SDK1: variants seen among roughly 807,000 people sequenced by gnomAD.
SDK1 encodes the protein protein sidekick-1.
A neutral mutation model predicts 245.5 loss-of-function variants in SDK1; 157 were observed. The observed-to-expected ratio is 0.64, with a 90% confidence interval of 0.56 to 0.73. SDK1 has a LOEUF of 0.73. SDK1 is among the 30% of genes least tolerant of loss of function. The pLI is 0.00. For missense variants in SDK1, 3,583 were observed against 3,002.3 expected (o/e 1.19, Z -4.52); for synonymous variants, 1,647 against 1,278.5 (o/e 1.29, Z -6.15).
intron 20 of SDK1, among the ~76,000 whole-genome samples, chr7:4,075,756 G>C (rs1263222435): frequency 6.6e-6 from 1 of 151,864 alleles, no homozygotes; most frequent in African/African-American, 2.4e-5. Context: ...CCAGGTTCGA[G>C]TGATTCTCGT....
intron 4 of SDK1, among the ~76,000 whole-genome samples, chr7:3,699,183 A>G (rs757347722): frequency 1.4e-4 from 21 of 152,316 alleles, no homozygotes; most frequent in Middle Eastern, 6.8e-3. Flanking sequence ...ACACAATCTC[A>G]TAACATGATA....
At chr7:3,893,225 C>T (rs534036368) in intron 5 of SDK1, among the ~76,000 whole-genome samples, 4 of 152,224 alleles carry the variant, frequency 2.6e-5, no homozygotes, top group Admixed American at 6.5e-5. Context: ...CAGTGAACTC[C>T]GGCCCCGGTT....
At chr7:4,109,960 A>C (rs1354981359) in intron 22 of SDK1, among the ~76,000 whole-genome samples, 1 of 152,164 alleles carries the variant, frequency 6.6e-6, no homozygotes, top group African/African-American at 2.4e-5. Context: ...GGAGAGGAAG[A>C]AGCTGGGGAA....
At chr7:3,570,687 G>C (rs1241006593) in intron 1 of SDK1, among the ~76,000 whole-genome samples, 4 of 152,160 alleles carry the variant, frequency 2.6e-5, no homozygotes, top group African/African-American at 9.7e-5. Flanking sequence ...GATGGCAGTG[G>C]CCCGGCCATA....
At position 4,032,347 on chromosome 7, in the gene SDK1, C is replaced by G. The variant is rs545838847; in HGVS notation, c.2602+14995C>G. Among the ~76,000 whole-genome samples, 3 of 152,272 alleles carry G rather than the reference C, an allele frequency of 2.0e-5. No homozygotes were observed. The East Asian group carries it at 5.8e-4, about 29-fold the overall frequency. ...GAAATGTATTGACATTTATTTGATACGGTAAACTGTGCATGTACCTCAAGC... is the reference window on the plus strand; with the variant it reads ...GAAATGTATTGACATTTATTTGATAGGGTAAACTGTGCATGTACCTCAAGC... On this transcript the variant is annotated intron_variant, in intron 17 of 44. Transcript: ENST00000404826.
At chr7:3,592,313 TC>T (rs1159253027) in intron 1 of SDK1, among the ~76,000 whole-genome samples, 1 of 152,066 alleles carries the variant, frequency 6.6e-6, no homozygotes, top group Non-Finnish European at 1.5e-5. Context: ...TTCTCCCCTC[TC>T]CCCCACCTTA....
At chr7:3,483,057 AT>A (rs1010669773) in intron 1 of SDK1, among the ~76,000 whole-genome samples, 3 of 152,050 alleles carry the variant, frequency 2.0e-5, no homozygotes, top group African/African-American at 7.2e-5. Context: ...AAATGTTCAA[AT>A]TTTTTCATTG....
intron 1 of SDK1, among the ~76,000 whole-genome samples, chr7:3,437,033 A>G (rs151144987): frequency 6.6e-6 from 1 of 152,312 alleles, no homozygotes; most frequent in Non-Finnish European, 1.5e-5. Flanking sequence ...CTCCTCTATC[A>G]GTCCAGGAGA....
rs1784465341 is a variant in SDK1 at position 4,127,470 on chromosome 7, C to T, written c.3913C>T (p.Gln1305Ter). 6.2e-7 allele frequency: 1 copy of T among 1,613,892 alleles called. No individual in the cohort carries two copies. ...LTWTSVPEQD[Q>*]NGLILGYKIL... ...ATGGACATCCGTGCCGGAACAGGAC[C>T]AGAATGGGCTCATACTGGGCTACAA... The change falls in exon 26 of 45, where the codon CAG becomes TAG. Residue 1305 changes from glutamine to a stop codon, truncating the protein, a stop_gained. Coordinates refer to ENST00000404826, the MANE Select transcript of SDK1 (RefSeq NM_152744.4). LOFTEE classifies it high-confidence loss of function.
chr7:3,903,109 G>C (rs1221980150), intron 5 of SDK1, among the ~76,000 whole-genome samples: 1 of 150,642 alleles, frequency 6.6e-6, no homozygotes, highest in Admixed American at 6.6e-5. Context: ...AGGATGACAG[G>C]TTTTTTAGTT....
At chr7:3,536,565 A>G (rs2128619339) in intron 1 of SDK1, among the ~76,000 whole-genome samples, 1 of 151,936 alleles carries the variant, frequency 6.6e-6, no homozygotes, top group East Asian at 2.0e-4. Context: ...ATGGTGGCTC[A>G]CCCCTGTGAT....
chr7:3,975,111 A>T (rs1257660504), intron 13 of SDK1, among the ~76,000 whole-genome samples: 1 of 152,158 alleles, frequency 6.6e-6, no homozygotes, highest in Admixed American at 6.5e-5. Flanking sequence ...CCAGGCGGGA[A>T]ACCGTCAATC....
intron 28 of SDK1, among the ~76,000 whole-genome samples, chr7:4,140,950 A>T (rs546101409): frequency 1.8e-3 from 273 of 152,288 alleles, no homozygotes; most frequent in Middle Eastern, 0.01. Context: ...TTAAATTTTT[A>T]AAAAAATGAT....
chr7:3,784,827 C>T (rs1475649323), intron 4 of SDK1, among the ~76,000 whole-genome samples: 1 of 152,170 alleles, frequency 6.6e-6, no homozygotes, highest in Non-Finnish European at 1.5e-5. Context: ...ATAGAACTGC[C>T]ATATGATCTG....
intron 4 of SDK1, among the ~76,000 whole-genome samples, chr7:3,679,270 A>G (rs189003242): frequency 5.1e-4 from 78 of 152,322 alleles, no homozygotes; most frequent in African/African-American, 1.8e-3. Flanking sequence ...TTCCTATTAG[A>G]AAATGGGCAA....
chr7:3,603,588 A>C (rs1443638343), intron 1 of SDK1, among the ~76,000 whole-genome samples: 1 of 152,106 alleles, frequency 6.6e-6, no homozygotes. Flanking sequence ...TTGGGCTGAG[A>C]CGATGGGGTT....
At chr7:4,100,202 G>T (rs938987916) in intron 22 of SDK1, among the ~76,000 whole-genome samples, 1 of 152,202 alleles carries the variant, frequency 6.6e-6, no homozygotes, top group African/African-American at 2.4e-5. Context: ...AGAGGGATCA[G>T]ATCTGATGGG....
At chr7:3,644,773 C>CAAAAAAAAAAAAAAAA (rs34276127) in intron 4 of SDK1, among the ~76,000 whole-genome samples, 7 of 40,024 alleles carry the variant, frequency 1.7e-4, no homozygotes, top group Admixed American at 3.9e-4. Context: ...ACCCTGTCTC[C>CAAAAAAAAAAAAAAAA]AAAAAAAAAA....
chr7:3,403,222 C>T (rs1476561000), intron 1 of SDK1, among the ~76,000 whole-genome samples: 1 of 152,146 alleles, frequency 6.6e-6, no homozygotes, highest in Admixed American at 6.5e-5. Flanking sequence ...GTGTGAGTCA[C>T]CATGCCTGAC....
Sources: allele counts gnomAD v4.1 joint callset (sites outside exome capture counted in the v4.1 genomes callset), GRCh38; gene constraint gnomAD v4.1.1; transcripts MANE v1.5; gene names NCBI Gene and HGNC (gene_info 2026-07-23, HGNC 2026-07-21).